Variants in CORO2A observed in about 807,000 individuals in gnomAD.
CORO2A encodes the protein coronin 2A, also known as coronin-2A.
Under a neutral mutation model 62.4 loss-of-function variants are expected in CORO2A, and 47 were observed. The ratio of observed to expected loss-of-function variants is 0.75; its 90% CI spans 0.60 to 0.96. The LOEUF is 0.96. CORO2A is among the 40% of genes least tolerant of loss of function. CORO2A has a pLI of 0.00. For synonymous variants in CORO2A, 273 were observed against 268.9 expected (o/e 1.02, Z -0.15); for missense variants, 610 against 684.1 (o/e 0.89, Z 1.21).
intron 1 of CORO2A, among the ~76,000 whole-genome samples, chr9:98,183,222 G>A (rs904133968): frequency 2.6e-5 from 4 of 152,212 alleles, no homozygotes; most frequent in African/African-American, 9.7e-5. Context: ...TGTTGCTACT[G>A]ATGTGGTAGG....
rs1790672244 is a variant in CORO2A, at chr9:98,123,036, A to C, written c.*1738T>G. 6.6e-6 allele frequency: 1 copy of C among 152,264 alleles called. No individual in the cohort carries two copies. The highest frequency in any genetic ancestry group is 6.5e-5 in the Admixed American group (1 of 15,276). The allele number at this position is 152,264 out of a possible 1,614,324, so 9.4% of individuals were successfully genotyped here. A position where few individuals can be genotyped will look rare whatever the true frequency, so the allele number is the denominator to read the frequency against. ...CCACAGGTAGTTTTCTCTTAGGTCAAGGTTTCAGGTGGCAGATCCTGCAGA... is the reference window on the plus strand; with the variant it reads ...CCACAGGTAGTTTTCTCTTAGGTCACGGTTTCAGGTGGCAGATCCTGCAGA... On this transcript the variant is annotated 3_prime_UTR_variant, in exon 12 of 12. Coordinates refer to ENST00000375077, the MANE Select transcript of CORO2A (RefSeq NM_052820.4).
chr9:98,158,287 A>C (rs1042298359), intron 1 of CORO2A, among the ~76,000 whole-genome samples: 29 of 152,210 alleles, frequency 1.9e-4, no homozygotes, highest in Admixed American at 1.5e-3. Flanking sequence ...CTCTAAAAAA[A>C]AAATAAAAGA....
chr9:98,128,841 G>A, intron 8 of CORO2A, 122 bp from the exon 9 acceptor site: 1 of 718,078 alleles, frequency 1.4e-6, no homozygotes, highest in African/African-American at 1.7e-5. Context: ...AAACAGCTCA[G>A]GGACAAATAC....
intron 1 of CORO2A, among the ~76,000 whole-genome samples, chr9:98,178,684 C>T (rs1330254102): frequency 6.6e-6 from 1 of 152,108 alleles, no homozygotes; most frequent in African/African-American, 2.4e-5. Context: ...TGCCTGACAC[C>T]CCAGCTGGCG....
rs181407186 is a variant in CORO2A, at chr9:98,128,347, C to T, written c.1081-87G>A. 459 of 1,075,174 alleles carry T rather than the reference C, an allele frequency of 4.3e-4. 1 individual carries two copies. In the African/African-American group the frequency reaches 6.3e-3, roughly 15 times the overall value. 66.6% of individuals were successfully genotyped at this position (1,075,174 alleles called of 1,614,324 possible). A position where few individuals can be genotyped will look rare whatever the true frequency, so the allele number is the denominator to read the frequency against. ...CCTTAGACCTGGGAGTCCAGGCTCT[C>T]ACCAACCCCTGCTGAATTGAGGAAA... On this transcript the variant is annotated intron_variant, in intron 9 of 11. Transcript: ENST00000375077.
At chr9:98,164,301 G>T (rs1827930666) in intron 1 of CORO2A, among the ~76,000 whole-genome samples, 1 of 152,200 alleles carries the variant, frequency 6.6e-6, no homozygotes, top group African/African-American at 2.4e-5. Context: ...TCATGGGTGG[G>T]TCCCTCACCT....
rs55685018 is a variant in CORO2A at position 98,153,649 on chromosome 9, AACACACAC to A, written c.201+3803_201+3810del. Among the ~76,000 whole-genome samples the A allele has an allele frequency of 5.8e-3, 773 of 133,958 alleles. 4 individuals carry two copies. Among genetic ancestry groups the A allele is most frequent in the African/African-American group, 0.01 (368 of 35,860 alleles). The allele number at this position is 133,958 out of a possible 152,430, so 87.9% of individuals were successfully genotyped here. A position where few individuals can be genotyped will look rare whatever the true frequency, so the allele number is the denominator to read the frequency against. Reference sequence around the variant, plus strand: ...TATGTCTGTAACTTCTCTGTTTCCAAACACACACACACACACACACACACACACACACA... The same window carrying A: ...TATGTCTGTAACTTCTCTGTTTCCAAACACACACACACACACACACACACA... On this transcript the variant is annotated intron_variant, in intron 2 of 11. Transcript: ENST00000375077.
intron 1 of CORO2A, among the ~76,000 whole-genome samples, chr9:98,174,976 A>T (rs1182530128): frequency 6.6e-6 from 1 of 152,226 alleles, no homozygotes; most frequent in African/African-American, 2.4e-5. Context: ...CATTAAAAAA[A>T]TAATAAAGAA....
chr9:98,190,900 G>C (rs767340362), intron 1 of CORO2A, among the ~76,000 whole-genome samples: 3 of 152,212 alleles, frequency 2.0e-5, no homozygotes, highest in Non-Finnish European at 4.4e-5. Context: ...CCAGCTCCCA[G>C]TCCTGTGCAG....
Position 98,128,615 on chromosome 9 carries a change from G to A in CORO2A, c.1072C>T (p.Pro358Ser), listed in dbSNP as rs1051889187. ...SLIEPISMIVPRRSESYQEDI... is the reference protein window; with the variant it reads ...SLIEPISMIVSRRSESYQEDI... The stretch of plus-strand genomic sequence containing the variant: ...GTCCCGACTGCCCTTACCCGCCGGG[G>A]CACAATCATGGAGATGGGCTCGATG... The change falls in exon 9 of 12, where the codon CCC (proline) becomes TCC (serine). Residue 358 changes from proline to serine, a missense_variant. Transcript: ENST00000375077. 2 of 1,614,082 alleles carry A rather than the reference G, an allele frequency of 1.2e-6. No homozygotes were observed. The highest frequency in any genetic ancestry group is 2.7e-5 in the African/African-American group (2 of 75,052).
rs11304742 is a variant in CORO2A at position 98,144,192 on chromosome 9, G to GA, written c.202-6505dup. Reference sequence around the variant, plus strand: ...CAACAGAGTGAGATCCTGTTTCGAAGAAAAAAAAAAAAAAAGCTTTTCTTT... The same window carrying GA: ...CAACAGAGTGAGATCCTGTTTCGAAGAAAAAAAAAAAAAAAAGCTTTTCTTT... On this transcript the variant is annotated intron_variant, in intron 2 of 11. Transcript: ENST00000375077. 2.0e-3 allele frequency among the ~76,000 whole-genome samples: 261 copies of GA among 127,676 alleles called. 1 individual carries two copies. The highest frequency in any genetic ancestry group is 1.5e-3 in the Admixed American group (18 of 11,992). The allele number at this position is 127,676 out of a possible 152,430, so 83.8% of individuals were successfully genotyped here.
intron 2 of CORO2A, among the ~76,000 whole-genome samples, chr9:98,154,973 G>T (rs1355213883): frequency 6.6e-6 from 1 of 152,196 alleles, no homozygotes; most frequent in Non-Finnish European, 1.5e-5. Flanking sequence ...TGGTATTTCT[G>T]GGTCACAGGT....
intron 1 of CORO2A, among the ~76,000 whole-genome samples, chr9:98,186,380 C>A (rs928814755): frequency 6.6e-6 from 1 of 152,094 alleles, no homozygotes; most frequent in Non-Finnish European, 1.5e-5. Context: ...GGTGATTAAG[C>A]CCTGGACACT....
At chr9:98,128,498 G>T in intron 9 of CORO2A, 109 bp downstream of exon 9, 2 of 993,510 alleles carry the variant, frequency 2.0e-6, no homozygotes, top group East Asian at 2.5e-5. Context: ...GCCGCTCTGT[G>T]GCTGCCCCAT....
intron 2 of CORO2A, among the ~76,000 whole-genome samples, chr9:98,138,217 C>T (rs1827514687): frequency 6.6e-6 from 1 of 152,038 alleles, no homozygotes; most frequent in Admixed American, 6.6e-5. Flanking sequence ...GAGTTCGAGA[C>T]CAGCCTGGCC....
intron 2 of CORO2A, among the ~76,000 whole-genome samples, chr9:98,139,080 C>T (rs1274049138): frequency 2.0e-5 from 3 of 150,100 alleles, no homozygotes; most frequent in African/African-American, 4.9e-5. Flanking sequence ...AAATGCAGAA[C>T]GATACATTCA....
chr9:98,160,240 C>T (rs542327758), intron 1 of CORO2A, among the ~76,000 whole-genome samples: 3 of 152,180 alleles, frequency 2.0e-5, no homozygotes, highest in Admixed American at 2.0e-4. Context: ...TTTAAGAAGA[C>T]TCACAAAAAT....
chr9:98,153,162 C>T (rs1321313900), intron 2 of CORO2A, among the ~76,000 whole-genome samples: 4 of 151,816 alleles, frequency 2.6e-5, no homozygotes, highest in South Asian at 2.1e-4. Flanking sequence ...TGCAGTGGCA[C>T]GATCTCAGCT....
chr9:98,133,727 G>A (rs1827443886), intron 4 of CORO2A, among the ~76,000 whole-genome samples: 1 of 152,146 alleles, frequency 6.6e-6, no homozygotes, highest in Admixed American at 6.5e-5. Context: ...GATCGGAAGA[G>A]CGAGGGCCCA....
Sources: gnomAD v4.1 joint callset for allele counts (sites outside exome capture counted in the v4.1 genomes callset) on GRCh38, gnomAD v4.1.1 for gene constraint, MANE v1.5 for transcripts, NCBI Gene and HGNC (gene_info 2026-07-23, HGNC 2026-07-21) for gene names.